The following FGD5 variants were observed in gnomAD, a reference collection of about 807,000 sequenced individuals.
The protein encoded by FGD5 is FYVE, RhoGEF and PH domain-containing protein 5.
Under a neutral mutation model 133.4 loss-of-function variants are expected in FGD5, and 28 were observed. The ratio of observed to expected loss-of-function variants is 0.21; its 90% confidence interval spans 0.16 to 0.29. The LOEUF (loss-of-function observed/expected upper bound fraction) is 0.29, where lower values mean the gene tolerates loss of function less well. FGD5 is among the 10% of genes least tolerant of loss of function. FGD5 has a pLI of 1.00. For missense variants in FGD5, 1,858 were observed against 1,895.2 expected, an observed-to-expected ratio of 0.98 and a Z score of 0.36; for synonymous variants, 810 against 776.5, an observed-to-expected ratio of 1.04 and a Z score of -0.72.
rs1306348618 is a variant in FGD5 at position 14,901,778 on chromosome 3, C to T, written c.3264+717C>T. Among the ~76,000 whole-genome samples, 9 of 152,168 alleles carry T rather than the reference C, an allele frequency of 5.9e-5. No homozygotes were observed. In the East Asian group the frequency reaches 1.5e-3, roughly 26 times the overall value. On this transcript the variant is annotated intron_variant, in intron 9 of 19. Transcript: ENST00000285046. The stretch of plus-strand genomic sequence containing the variant: ...AGAGACACAGTGAGTCATCCACAGG[C>T]AGAAGAGGAAGGGAAATTGCATTTA...
intron 1 of FGD5, among the ~76,000 whole-genome samples, chr3:14,839,770 A>G (rs1559475248): frequency 6.6e-6 from 1 of 152,126 alleles, no homozygotes; most frequent in Admixed American, 6.5e-5. Flanking sequence ...GTCTCTACTA[A>G]AAATACAAAA....
chr3:14,899,233 G>A (rs1035158696), intron 7 of FGD5, among the ~76,000 whole-genome samples: 1 of 151,980 alleles, frequency 6.6e-6, no homozygotes, highest in Non-Finnish European at 1.5e-5. Flanking sequence ...TTTCCTCCGC[G>A]GGTTTCTGTG....
intron 1 of FGD5, among the ~76,000 whole-genome samples, chr3:14,862,941 G>A (rs2125103783): frequency 6.6e-6 from 1 of 152,260 alleles, no homozygotes; most frequent in African/African-American, 2.4e-5. Context: ...GGTACCTGCG[G>A]TTCTGGCTCC....
intron 4 of FGD5, among the ~76,000 whole-genome samples, chr3:14,891,868 ATGCCCCCTTCC>A: frequency 6.7e-6 from 1 of 150,374 alleles, no homozygotes; most frequent in African/African-American, 2.5e-5. Flanking sequence ...ATCTCCCTTC[ATGCCCCCTTCC>A]TCCTTCCCTC....
chr3:14,837,029 C>G (rs939362273), intron 1 of FGD5, among the ~76,000 whole-genome samples: 6 of 152,164 alleles, frequency 3.9e-5, no homozygotes, highest in Admixed American at 1.3e-4. Flanking sequence ...ACCAAGGACA[C>G]ACACACAGTG....
intron 1 of FGD5, among the ~76,000 whole-genome samples, chr3:14,844,688 C>T (rs1011229847): frequency 6.6e-6 from 1 of 152,130 alleles, no homozygotes; most frequent in African/African-American, 2.4e-5. Context: ...CTAGTCACTT[C>T]ATGTCTCTGT....
rs1169735847 is a variant in FGD5, at chr3:14,819,535, G to A, written c.464G>A (p.Gly155Glu). The A allele has an allele frequency of 6.4e-7, 1 of 1,551,438 alleles. No individual in the cohort carries two copies. The highest frequency in any genetic ancestry group is 8.7e-7 in the Non-Finnish European group (1 of 1,146,960). ...DEGEGCADEPGTLEQVSRSEE... is the reference protein window; with the variant it reads ...DEGEGCADEPETLEQVSRSEE... ...GGGGAGGGCTGCGCTGATGAGCCAGGGACACTGGAGCAGGTGTCCAGAAGT... is the reference window on the plus strand; with the variant it reads ...GGGGAGGGCTGCGCTGATGAGCCAGAGACACTGGAGCAGGTGTCCAGAAGT... The change falls in exon 1 of 20, where the codon GGG becomes GAG. Residue 155 changes from glycine to glutamate, a missense_variant. Physicochemically the swap from Gly to Glu is moderately conservative, Grantham distance 98. Transcript: ENST00000285046. The surrounding 1 kb of genome is among the most constrained non-coding windows in gnomAD (Gnocchi z 4.1).
intron 11 of FGD5, 89 bp downstream of exon 11, chr3:14,911,018 G>T (rs572624514): frequency 2.5e-5 from 33 of 1,298,436 alleles, no homozygotes; most frequent in Non-Finnish European, 3.3e-5. Flanking sequence ...GTGGAATAGG[G>T]TGAGAGGAGA....
intron 2 of FGD5, among the ~76,000 whole-genome samples, chr3:14,867,591 C>A (rs1273159626): frequency 6.6e-6 from 1 of 152,122 alleles, no homozygotes; most frequent in African/African-American, 2.4e-5. Context: ...AGCAGACTCC[C>A]TGGCCACCCT....
At chr3:14,846,410 C>G (rs2037052616) in intron 1 of FGD5, among the ~76,000 whole-genome samples, 1 of 152,206 alleles carries the variant, frequency 6.6e-6, no homozygotes, top group Admixed American at 6.5e-5. Flanking sequence ...GTCGTGGTCT[C>G]TGTCCTGGCA....
chr3:14,905,624 C>T (rs1267250390), intron 9 of FGD5, among the ~76,000 whole-genome samples: 2 of 152,046 alleles, frequency 1.3e-5, no homozygotes, highest in East Asian at 1.9e-4. Context: ...TTCCATTGGA[C>T]GCTCACGTAT....
At chr3:14,910,399 A>G (rs1263364104) in intron 10 of FGD5, among the ~76,000 whole-genome samples, 1 of 152,078 alleles carries the variant, frequency 6.6e-6, no homozygotes, top group East Asian at 1.9e-4. Context: ...TGTGATTGTG[A>G]TTTTCAGAAT....
chr3:14,839,354 G>C (rs2036873452), intron 1 of FGD5, among the ~76,000 whole-genome samples: 1 of 152,292 alleles, frequency 6.6e-6, no homozygotes, highest in South Asian at 2.1e-4. Context: ...ACAAATAGTA[G>C]CTCTATTTGT....
chr3:14,856,332 C>T (rs1478082656), intron 1 of FGD5, among the ~76,000 whole-genome samples: 1 of 152,062 alleles, frequency 6.6e-6, no homozygotes, highest in African/African-American at 2.4e-5. Flanking sequence ...ATTCTTTTGG[C>T]TCAGGATTGC....
chr3:14,893,398 T>A (rs1034621427), intron 4 of FGD5, among the ~76,000 whole-genome samples: 11 of 152,130 alleles, frequency 7.2e-5, no homozygotes, highest in South Asian at 2.1e-4. Context: ...GTCAACCAGG[T>A]TGGAGTGCAG....
chr3:14,907,537 T>G (rs1426410669), intron 9 of FGD5, 103 bp from the exon 10 acceptor site: 2 of 1,102,942 alleles, frequency 1.8e-6, no homozygotes, highest in Non-Finnish European at 2.6e-6. Flanking sequence ...CTTTCCGGGC[T>G]TCATTTTTGT....
chr3:14,888,950 T>G (rs1203528912), intron 4 of FGD5, among the ~76,000 whole-genome samples: 1 of 152,226 alleles, frequency 6.6e-6, no homozygotes, highest in African/African-American at 2.4e-5. Context: ...TCAGGCGGAA[T>G]GGAGGATGGG....
At chr3:14,872,853 G>T (rs2037638600) in intron 2 of FGD5, among the ~76,000 whole-genome samples, 1 of 152,190 alleles carries the variant, frequency 6.6e-6, no homozygotes, top group South Asian at 2.1e-4. Context: ...TGGTAGAACA[G>T]GGGGCTTAGT....
At position 14,900,421 on chromosome 3, in the gene FGD5, G is replaced by A; in HGVS notation, c.3173G>A (p.Cys1058Tyr). ...CCAACAGACTATTTAAACAACCTTTGTCCGGACTCCGCCGAGTACGACAAC... is the reference window on the plus strand; with the variant it reads ...CCAACAGACTATTTAAACAACCTTTATCCGGACTCCGCCGAGTACGACAAC... ...VLLTDYLNNLCPDSAEYDNTQ... is the reference protein window; with the variant it reads ...VLLTDYLNNLYPDSAEYDNTQ... Residue 1058 changes from cysteine (C) to tyrosine (Y), a missense_variant, in exon 8 of 20, where the codon TGT becomes TAT. By Grantham distance (194) the Cys-to-Tyr change is radical (BLOSUM62 -2). Around this residue, in one of 3 missense-constraint regions of FGD5, gnomAD observed 1,824 missense variants for 1,848.9 expected, o/e 0.99. Transcript: ENST00000285046. 1 of 1,613,582 alleles carries A rather than the reference G, an allele frequency of 6.2e-7. No homozygotes were observed. The highest frequency in any genetic ancestry group is 8.5e-7 in the Non-Finnish European group (1 of 1,179,736).
Sources: gnomAD v4.1 joint callset for allele counts (sites outside exome capture counted in the v4.1 genomes callset) on GRCh38, gnomAD v4.1.1 for gene constraint, gnomAD v4.1.1 regional missense constraint, Gnocchi (gnomAD v3.1) non-coding constraint, MANE v1.5 for transcripts, NCBI Gene and HGNC (gene_info 2026-07-23, HGNC 2026-07-21) for gene names.